The following PCDHGB3 variants were observed in gnomAD, a reference collection of about 807,000 sequenced individuals.
The protein encoded by PCDHGB3 is protocadherin gamma subfamily B, 3.
PCDHGB3 carries 40 observed loss-of-function variants against 59.2 expected under a neutral mutation model. That is an observed-to-expected ratio of 0.68 (90% CI 0.52 to 0.88). The LOEUF (loss-of-function observed/expected upper bound fraction) is 0.88. PCDHGB3 is among the 40% of genes least tolerant of loss of function. The pLI, the probability that PCDHGB3 is intolerant of heterozygous loss-of-function variation, is 0.00. For missense variants in PCDHGB3, 1,309 were observed against 1,187.9 expected (o/e 1.10, Z -1.50); for synonymous variants, 581 against 503.6 (o/e 1.15, Z -2.06).
At chr5:141,407,967 T>C (rs1589649755) in intron 1 of PCDHGB3, 2 of 705,496 alleles carry the variant, frequency 2.8e-6, no homozygotes, top group South Asian at 2.3e-5. Flanking sequence ...GAGCAAGCGC[T>C]GACGCCGGGG....
Position 141,409,903 on chromosome 5 carries a change from G to C in PCDHGB3, c.2415+37094G>C, listed in dbSNP as rs570063514. 6.2e-6 allele frequency: 10 copies of C among 1,613,268 alleles called. No individual in the cohort carries two copies. The South Asian group carries it at 9.9e-5, about 16-fold the overall frequency. ...CACCGCGGGTGCTGTACCCAGCTCTGGGTCCTGACGGCTCCGCGTTCTTCG... is the reference window on the plus strand; with the variant it reads ...CACCGCGGGTGCTGTACCCAGCTCTCGGTCCTGACGGCTCCGCGTTCTTCG... On this transcript the variant is annotated intron_variant, in intron 1 of 3. Coordinates refer to ENST00000576222, the MANE Select transcript of PCDHGB3 (RefSeq NM_018924.5).
chr5:141,477,671 G>A lies in PCDHGB3; in HGVS notation c.2416-17136G>A, dbSNP rs1022028453. The A allele has an allele frequency of 1.2e-6, 2 of 1,614,198 alleles. No individual in the cohort carries two copies. Among genetic ancestry groups the A allele is most frequent in the Non-Finnish European group, 1.7e-6 (2 of 1,180,048 alleles). Reference sequence around the variant, plus strand: ...CACAATAAATCGTGACAATGGCATAGTGTCATCCTTAGTGCCCCTAGACTA... The same window carrying A: ...CACAATAAATCGTGACAATGGCATAATGTCATCCTTAGTGCCCCTAGACTA... On this transcript the variant is annotated intron_variant, in intron 1 of 3. Coordinates refer to ENST00000576222, the MANE Select transcript of PCDHGB3 (RefSeq NM_018924.5). This position sits in a 1 kb window ranked among gnomAD's most constrained non-coding sequence, Gnocchi z 4.9.
Position 141,374,926 on chromosome 5 carries a change from T to G in PCDHGB3, c.2415+2117T>G. ...TCCACGGGGAAGTAACTTATTCCTT[T>G]GTGAAGATTACAGAAAAGATCTCAC... is the stretch of plus-strand genomic sequence containing the variant. On this transcript the variant is annotated intron_variant, in intron 1 of 3. Coordinates refer to ENST00000576222, the MANE Select transcript of PCDHGB3 (RefSeq NM_018924.5). The G allele has an allele frequency of 3.1e-6, 5 of 1,613,970 alleles. No individual in the cohort carries two copies. In the South Asian group the frequency reaches 5.5e-5, roughly 18 times the overall value.
intron 1 of PCDHGB3, chr5:141,389,450 G>C: frequency 6.2e-7 from 1 of 1,610,530 alleles, no homozygotes; most frequent in Non-Finnish European, 8.5e-7. Context: ...ACCACGAGCA[G>C]CTGCGCGCCT....
intron 1 of PCDHGB3, chr5:141,442,382 T>C (rs1256682275): frequency 6.6e-6 from 1 of 152,290 alleles, no homozygotes; most frequent in East Asian, 1.9e-4. Flanking sequence ...CTACCAGGTG[T>C]GTGCTTCTCC....
chr5:141,432,421 C>T lies in PCDHGB3; in HGVS notation c.2415+59612C>T, dbSNP rs771647620. 10 of 1,614,126 alleles carry T rather than the reference C, an allele frequency of 6.2e-6. No homozygotes were observed. In the African/African-American group the frequency reaches 1.2e-4, roughly 19 times the overall value. ...TGTCGTTGAGCCTGTTCGTGCTGGA[C>T]CAGAACGACAATGCGCCCGAGATCC... On this transcript the variant is annotated intron_variant, in intron 1 of 3. Transcript: ENST00000576222. This position sits in a 1 kb window ranked among gnomAD's most constrained non-coding sequence, Gnocchi z 6.0.
intron 1 of PCDHGB3, chr5:141,418,101 G>T: frequency 6.2e-7 from 1 of 1,614,082 alleles, no homozygotes; most frequent in Non-Finnish European, 8.5e-7. Context: ...GACGCGCAGA[G>T]CGGGGACTTA....
intron 1 of PCDHGB3, chr5:141,408,218 G>A: frequency 6.4e-7 from 1 of 1,557,454 alleles, no homozygotes; most frequent in South Asian, 1.2e-5. Context: ...AGGGAGCTGC[G>A]CGCAGAGGCG....
chr5:141,382,939 T>C (rs765145573), intron 1 of PCDHGB3: 3 of 1,594,910 alleles, frequency 1.9e-6, no homozygotes, highest in South Asian at 2.2e-5. Context: ...CAGAGGATTC[T>C]TCCTGCTCTC....
intron 1 of PCDHGB3, chr5:141,394,811 C>G (rs1225635250): frequency 7.4e-6 from 12 of 1,613,770 alleles, no homozygotes; most frequent in Non-Finnish European, 1.0e-5. Flanking sequence ...CCGTGGCTGA[C>G]AGCATCCCCG....
At chr5:141,403,178 T>G in intron 1 of PCDHGB3, 3 of 1,613,980 alleles carry the variant, frequency 1.9e-6, no homozygotes, top group Non-Finnish European at 2.5e-6. Context: ...GCAGCTTTTC[T>G]CTCTGAACCC....
intron 1 of PCDHGB3, chr5:141,405,408 TTTTTTTG>T (rs2094659443): frequency 2.5e-6 from 4 of 1,572,390 alleles, no homozygotes; most frequent in African/African-American, 1.4e-5. Flanking sequence ...CTTTCTTTTC[TTTTTTTG>T]TTTTTTGTTT....
At chr5:141,417,179 A>C (rs1015183950) in intron 1 of PCDHGB3, 1 of 152,194 alleles carries the variant, frequency 6.6e-6, no homozygotes, top group African/African-American at 2.4e-5. Context: ...GAAATAAGGA[A>C]TTATTACTTT....
At chr5:141,448,782 T>C (rs2098606045) in intron 1 of PCDHGB3, among the ~76,000 whole-genome samples, 1 of 148,758 alleles carries the variant, frequency 6.7e-6, no homozygotes, top group Non-Finnish European at 1.5e-5. Flanking sequence ...GTACTAAAAA[T>C]ACAAAAAAAA....
intron 1 of PCDHGB3, among the ~76,000 whole-genome samples, chr5:141,438,625 TATATATATATACACACAC>T (rs1351180774): frequency 3.0e-4 from 14 of 46,412 alleles, no homozygotes; most frequent in Middle Eastern, 8.3e-3. Context: ...TATATATATA[TATATATATATACACACAC>T]ACACACACAT....
intron 1 of PCDHGB3, among the ~76,000 whole-genome samples, chr5:141,474,061 T>A (rs2099339173): frequency 1.3e-5 from 2 of 152,058 alleles, no homozygotes; most frequent in Admixed American, 6.6e-5. Flanking sequence ...CAGAGCGAGA[T>A]CCTGCCTCAG....
At position 141,399,286 on chromosome 5, in the gene PCDHGB3, C is replaced by T; in HGVS notation, c.2415+26477C>T. 3.1e-6 allele frequency: 5 copies of T among 1,613,858 alleles called. No individual in the cohort carries two copies. In the South Asian group the frequency reaches 5.5e-5, roughly 18 times the overall value. ...TAATTGTCAATTACAAGGCGAAGTCCCTTTTAAGATTATCTCTTCATCCAA... is the reference window on the plus strand; with the variant it reads ...TAATTGTCAATTACAAGGCGAAGTCTCTTTTAAGATTATCTCTTCATCCAA... On this transcript the variant is annotated intron_variant, in intron 1 of 3. Transcript: ENST00000576222.
At chr5:141,446,461 A>G (rs1273508266) in intron 1 of PCDHGB3, among the ~76,000 whole-genome samples, 1 of 151,298 alleles carries the variant, frequency 6.6e-6, no homozygotes, top group Non-Finnish European at 1.5e-5. Flanking sequence ...TCAGTGTGTG[A>G]TTAGACATAT....
At chr5:141,407,873 A>C (rs561323423) in intron 1 of PCDHGB3, 1 of 354,804 alleles carries the variant, frequency 2.8e-6, no homozygotes, top group African/African-American at 2.1e-5. Flanking sequence ...CGAAGAATAT[A>C]TACATTTCGG....
Sources: allele counts gnomAD v4.1 joint callset (sites outside exome capture counted in the v4.1 genomes callset), GRCh38; gene constraint gnomAD v4.1.1; non-coding constraint Gnocchi (gnomAD v3.1); transcripts MANE v1.5; gene names NCBI Gene and HGNC (gene_info 2026-07-23, HGNC 2026-07-21).